The following MAP3K15 variants were observed in gnomAD, a reference collection of about 807,000 sequenced individuals.
The protein encoded by MAP3K15 is MAPK/ERK kinase kinase 15.
A neutral mutation model predicts 99.5 loss-of-function variants in MAP3K15; 124 were observed. The observed-to-expected ratio is 1.25, with a 90% CI of 1.08 to 1.45. The LOEUF is 1.45. Among genes scored for constraint, MAP3K15 ranks in the 40% most tolerant of loss-of-function variants. The probability of loss-of-function intolerance (pLI) is 0.00; values close to 1 mark genes in which losing one functional copy is unlikely to be tolerated. For synonymous variants in MAP3K15, 494 were observed against 439.6 expected (o/e 1.12, Z -1.55); for missense variants, 1,242 against 1,079.7 (o/e 1.15, Z -2.11).
Position 19,374,636 on chromosome X carries a change from C to T in MAP3K15, c.2614G>A (p.Glu872Lys). 1.7e-6 allele frequency: 2 copies of T among 1,210,853 alleles called. No homozygotes were observed. Among genetic ancestry groups the T allele is most frequent in the Non-Finnish European group, 2.2e-6 (2 of 895,067 alleles). The change falls in exon 20 of 29, where the codon GAG becomes AAG. Residue 872 changes from glutamate to lysine, a missense_variant. Coordinates refer to ENST00000338883, the MANE Select transcript of MAP3K15 (RefSeq NM_001001671.4). ...FKVGMFKIHPEIPEALSAEAR... is the reference protein window; with the variant it reads ...FKVGMFKIHPKIPEALSAEAR... ...TCAGCTGAAAGGGCTTCTGGAATCTCAGGGTGGATCTTAAACATGCCCACC... is the reference window on the plus strand; with the variant it reads ...TCAGCTGAAAGGGCTTCTGGAATCTTAGGGTGGATCTTAAACATGCCCACC...
chrX:19,394,963 A>G (rs1028584375), intron 16 of MAP3K15, 118 bp downstream of exon 16: 3 of 873,663 alleles, frequency 3.4e-6, no homozygotes, highest in East Asian at 3.7e-5. Flanking sequence ...AACTGGGACT[A>G]CAGGCGCCCT....
chrX:19,460,758 TTTG>T (rs2064126479), intron 4 of MAP3K15, among the ~76,000 whole-genome samples: 1 of 109,126 alleles, frequency 9.2e-6, no homozygotes, highest in Non-Finnish European at 1.9e-5. Context: ...TTTTTGTTTT[TTTG>T]TTTTTTTTTT....
rs375685534 is a variant in MAP3K15, at chrX:19,436,177, GA to G, written c.996-4570del. Among the ~76,000 whole-genome samples the G allele has an allele frequency of 1.6e-3, 165 of 104,527 alleles. 1 individual carries two copies. Among genetic ancestry groups the G allele is most frequent in the Middle Eastern group, 5.0e-3 (1 of 202 alleles). The allele number at this position is 104,527 out of a possible 115,157, so 90.8% of individuals were successfully genotyped here. A position where few individuals can be genotyped will look rare whatever the true frequency, so the allele number is the denominator to read the frequency against. The stretch of plus-strand genomic sequence containing the variant: ...GTCAAAAAAAAAAAAAAGAAAGAAA[GA>G]AAAAAAAAATTCAATCACCTAGGAG... On this transcript the variant is annotated intron_variant, in intron 6 of 28. Coordinates refer to ENST00000338883, the MANE Select transcript of MAP3K15 (RefSeq NM_001001671.4).
intron 18 of MAP3K15, among the ~76,000 whole-genome samples, chrX:19,384,760 A>AC (rs1282217946): frequency 1.4e-4 from 14 of 100,940 alleles, no homozygotes; most frequent in Non-Finnish European, 2.6e-4. Flanking sequence ...AAAAAAAAAA[A>AC]AAAAAAAAAA....
intron 25 of MAP3K15, among the ~76,000 whole-genome samples, chrX:19,367,968 C>T (rs575536891): frequency 3.5e-4 from 37 of 106,294 alleles, no homozygotes; most frequent in African/African-American, 1.2e-3. Flanking sequence ...AGGCTGGTCT[C>T]GAACCCCTAA....
intron 9 of MAP3K15, among the ~76,000 whole-genome samples, chrX:19,417,013 C>T (rs1475684974): frequency 1.8e-5 from 2 of 112,393 alleles, no homozygotes; most frequent in East Asian, 5.6e-4. Flanking sequence ...ATATCTTTGA[C>T]CAGGTTTACT....
intron 9 of MAP3K15, among the ~76,000 whole-genome samples, chrX:19,416,488 A>T (rs940889184): frequency 1.8e-5 from 2 of 112,181 alleles, no homozygotes; most frequent in African/African-American, 6.5e-5. Context: ...ACCATAAACA[A>T]TGAATAACAC....
chrX:19,360,592 A>G lies in MAP3K15; in HGVS notation c.*157T>C, dbSNP rs1241992456. The stretch of plus-strand genomic sequence containing the variant: ...TTTATAAATAACAGGTTTCAAAAGA[A>G]ACTCAGGACAGTATTTAAAACAAGT... On this transcript the variant is annotated 3_prime_UTR_variant, in exon 29 of 29. Coordinates refer to ENST00000338883, the MANE Select transcript of MAP3K15 (RefSeq NM_001001671.4). 6 of 431,747 alleles carry G rather than the reference A, an allele frequency of 1.4e-5. No homozygotes were observed. Among genetic ancestry groups the G allele is most frequent in the Non-Finnish European group, 2.4e-5 (6 of 251,229 alleles). The allele number at this position is 431,747 out of a possible 1,213,427, so 35.6% of individuals were successfully genotyped here.
intron 12 of MAP3K15, among the ~76,000 whole-genome samples, chrX:19,408,289 T>C (rs542247388): frequency 8.0e-5 from 9 of 111,862 alleles, no homozygotes; most frequent in African/African-American, 1.3e-4. Flanking sequence ...GAGGTATCTC[T>C]ATGAGGAGGC....
chrX:19,493,683 T>A (rs1215747322), intron 1 of MAP3K15, among the ~76,000 whole-genome samples: 1 of 111,706 alleles, frequency 9.0e-6, no homozygotes, highest in Non-Finnish European at 1.9e-5. Flanking sequence ...TACAAAACAC[T>A]TCCACAGACT....
At chrX:19,420,270 C>A (rs183530527) in intron 9 of MAP3K15, among the ~76,000 whole-genome samples, 2,000 of 110,886 alleles carry the variant, frequency 0.018, 26 homozygotes, top group South Asian at 0.045. Context: ...TTGAAAAGAT[C>A]AACAAAATTG....
intron 2 of MAP3K15, among the ~76,000 whole-genome samples, chrX:19,487,243 G>C (rs1490743761): frequency 1.8e-5 from 2 of 110,074 alleles, no homozygotes; most frequent in Non-Finnish European, 3.8e-5. Flanking sequence ...GCTTCTTCTG[G>C]TGTTAAATAT....
chrX:19,512,637 T>C (rs2064527767), intron 1 of MAP3K15, among the ~76,000 whole-genome samples: 1 of 94,819 alleles, frequency 1.1e-5, no homozygotes, highest in Non-Finnish European at 2.0e-5. Flanking sequence ...TGCCACCACA[T>C]CCTGCTTTTT....
intron 10 of MAP3K15, 27 bp from the exon 11 acceptor site, chrX:19,413,491 C>A (rs754684749): frequency 1.8e-6 from 2 of 1,097,815 alleles, no homozygotes; most frequent in Non-Finnish European, 1.3e-6. Context: ...TGCCTGTTAA[C>A]GTACATGGGT....
In MAP3K15 at chrX:19,372,845, T is replaced by C; in HGVS notation, c.2934-18A>G. The C allele has an allele frequency of 8.4e-7, 1 of 1,196,448 alleles. No individual in the cohort carries two copies. Among genetic ancestry groups the C allele is most frequent in the African/African-American group, 1.7e-5 (1 of 57,408 alleles). ...CTGGAACACTGTGGACAAACACGTG[T>C]GACAATCTCTGTGCGTGCCGGGGCA... On this transcript the variant is annotated intron_variant, in intron 21 of 28. Transcript: ENST00000338883.
intron 3 of MAP3K15, among the ~76,000 whole-genome samples, chrX:19,476,250 T>G (rs1461397830): frequency 8.9e-6 from 1 of 112,028 alleles, no homozygotes; most frequent in Non-Finnish European, 1.9e-5. Flanking sequence ...ATGAACTGAT[T>G]TCTGAGCACT....
At chrX:19,360,959 G>C in intron 28 of MAP3K15, 126 bp from the exon 29 acceptor site, 2 of 490,178 alleles carry the variant, frequency 4.1e-6, no homozygotes, top group Non-Finnish European at 6.7e-6. Context: ...GGTGACGCTC[G>C]TGTCCCAGCA....
chrX:19,466,113 C>T (rs2064167413), intron 3 of MAP3K15, among the ~76,000 whole-genome samples: 1 of 110,857 alleles, frequency 9.0e-6, no homozygotes, highest in Non-Finnish European at 1.9e-5. Context: ...GCCACTGCAC[C>T]TGGCCTTGTA....
intron 15 of MAP3K15, among the ~76,000 whole-genome samples, chrX:19,396,204 C>T (rs987032133): frequency 1.1e-4 from 12 of 111,963 alleles, no homozygotes; most frequent in African/African-American, 3.9e-4. Context: ...AATCACCTTT[C>T]GGTCCCCAGT....
Sources: gnomAD v4.1 joint callset for allele counts (sites outside exome capture counted in the v4.1 genomes callset) on GRCh38, gnomAD v4.1.1 for gene constraint, MANE v1.5 for transcripts, NCBI Gene and HGNC (gene_info 2026-07-23, HGNC 2026-07-21) for gene names.